The following RBM6 variants were observed in gnomAD, a reference collection of about 807,000 sequenced individuals.
RBM6 encodes RNA binding motif protein 6.
In RBM6, 23 loss-of-function variants were observed where a neutral mutation model predicts 140.4. That is an observed-to-expected ratio of 0.16 (90% CI 0.12 to 0.23). RBM6 has a LOEUF of 0.23. Ranked by LOEUF, RBM6 falls within the 10% of genes least tolerant of loss-of-function variation. The pLI, the probability that RBM6 is intolerant of heterozygous loss-of-function variation, is 1.00. For synonymous variants in RBM6, 439 were observed against 475.6 expected (o/e 0.92, Z 1.00); for missense variants, 1,139 against 1,386.7 (o/e 0.82, Z 2.84).
At chr3:49,969,760 C>A (rs2084698855) in intron 3 of RBM6, among the ~76,000 whole-genome samples, 1 of 151,156 alleles carries the variant, frequency 6.6e-6, no homozygotes, top group African/African-American at 2.4e-5. Context: ...AGCCACTATG[C>A]CTGGCTAGTT....
At chr3:50,052,986 G>GGTGTGTGTGTGT (rs57244510) in intron 7 of RBM6, among the ~76,000 whole-genome samples, 109 of 134,738 alleles carry the variant, frequency 8.1e-4, no homozygotes, top group African/African-American at 2.1e-3. Flanking sequence ...AGTGGGCAGG[G>GGTGTGTGTGTGT]GTGTGTGTGT....
At chr3:50,012,507 G>C (rs929973089) in intron 6 of RBM6, among the ~76,000 whole-genome samples, 1 of 151,584 alleles carries the variant, frequency 6.6e-6, no homozygotes, top group Non-Finnish European at 1.5e-5. Flanking sequence ...ACAGGTGCCT[G>C]CCACCACGCC....
chr3:50,013,932 G>C (rs2086984589), intron 6 of RBM6, among the ~76,000 whole-genome samples: 1 of 152,166 alleles, frequency 6.6e-6, no homozygotes, highest in South Asian at 2.1e-4. Flanking sequence ...TCACCACTGG[G>C]AGAGGGTGCT....
rs537468922 is a variant in RBM6 at position 49,998,236 on chromosome 3, T to C, written c.1484-1204T>C. Among the ~76,000 whole-genome samples, 7 of 152,386 alleles carry C rather than the reference T, an allele frequency of 4.6e-5. 1 individual carries two copies. The highest frequency in any genetic ancestry group is 1.7e-4 in the African/African-American group (7 of 41,600). On this transcript the variant is annotated intron_variant, in intron 5 of 20. Transcript: ENST00000266022. ...CAAATGTGGTATGTTTTTAAACTTA[T>C]ACTTTCTATTGTTCTAGTTTTGTTG...
intron 6 of RBM6, among the ~76,000 whole-genome samples, chr3:50,016,824 G>GTT (rs71080567): frequency 0.12 from 10,573 of 85,518 alleles, 967 homozygotes; most frequent in African/African-American, 0.16. Context: ...CATGCCTAGC[G>GTT]TTTTTTTTTT....
At chr3:50,024,908 G>A (rs1220351521) in intron 6 of RBM6, among the ~76,000 whole-genome samples, 2 of 151,854 alleles carry the variant, frequency 1.3e-5, no homozygotes, top group African/African-American at 4.8e-5. Context: ...GGAGAGTGGC[G>A]TGAACTTGGG....
intron 1 of RBM6, among the ~76,000 whole-genome samples, chr3:49,958,739 A>C (rs1182919000): frequency 6.8e-6 from 1 of 147,900 alleles, no homozygotes. Flanking sequence ...CAACAGAGCG[A>C]GACTCCATTT....
chr3:49,952,057 C>T (rs62262104), intron 1 of RBM6, among the ~76,000 whole-genome samples: 12,026 of 147,996 alleles, frequency 0.081, 532 homozygotes, highest in African/African-American at 0.11. Context: ...TTGTCTGAGA[C>T]GGAGTCTTGC....
intron 5 of RBM6, among the ~76,000 whole-genome samples, chr3:49,980,381 C>T (rs1441832689): frequency 2.0e-5 from 3 of 152,068 alleles, no homozygotes; most frequent in Non-Finnish European, 4.4e-5. Context: ...AGCTTTCTCT[C>T]ATGGTTTCGA....
chr3:50,068,358 G>A (rs1025071899), intron 17 of RBM6, among the ~76,000 whole-genome samples: 2 of 152,178 alleles, frequency 1.3e-5, no homozygotes, highest in African/African-American at 4.8e-5. Context: ...TCTGGGAATG[G>A]TATGTATGGC....
chr3:49,962,328 A>G (rs573538903), intron 1 of RBM6, among the ~76,000 whole-genome samples: 3 of 149,198 alleles, frequency 2.0e-5, no homozygotes, highest in Non-Finnish European at 4.4e-5. Context: ...AGTCCTAGCT[A>G]CTCGGGAGGC....
At chr3:50,015,187 A>G (rs1034733904) in intron 6 of RBM6, among the ~76,000 whole-genome samples, 2 of 145,684 alleles carry the variant, frequency 1.4e-5, no homozygotes, top group Admixed American at 7.0e-5. Flanking sequence ...GCTCACTGCA[A>G]CCCCCCGCCT....
At chr3:49,990,230 G>T (rs1352580751) in intron 5 of RBM6, among the ~76,000 whole-genome samples, 1 of 152,102 alleles carries the variant, frequency 6.6e-6, no homozygotes, top group Non-Finnish European at 1.5e-5. Flanking sequence ...ACACAAACTA[G>T]ATGTTATAGC....
At chr3:49,982,924 C>G (rs2085379157) in intron 5 of RBM6, among the ~76,000 whole-genome samples, 1 of 152,038 alleles carries the variant, frequency 6.6e-6, no homozygotes, top group Non-Finnish European at 1.5e-5. Context: ...GTTGGCCAGG[C>G]TGGTTTCAAT....
At position 49,969,242 on chromosome 3, in the gene RBM6, C is replaced by G. The variant is rs568450875; in HGVS notation, c.1323+494C>G. On this transcript the variant is annotated intron_variant, in intron 3 of 20. Coordinates refer to ENST00000266022, the MANE Select transcript of RBM6 (RefSeq NM_005777.3). Reference sequence around the variant, plus strand: ...GTTTCACCATGTTGGCCAGGCTGGTCTCGAACTCCTGACCTCGTGATCCGC... The same window carrying G: ...GTTTCACCATGTTGGCCAGGCTGGTGTCGAACTCCTGACCTCGTGATCCGC... Among the ~76,000 whole-genome samples the G allele has an allele frequency of 4.8e-3, 712 of 149,828 alleles. 2 individuals are homozygous for G. Among genetic ancestry groups the G allele is most frequent in the African/African-American group, 0.017 (679 of 41,018 alleles).
At chr3:50,038,333 T>C (rs1354498920) in intron 6 of RBM6, among the ~76,000 whole-genome samples, 2 of 152,220 alleles carry the variant, frequency 1.3e-5, no homozygotes, top group Admixed American at 1.3e-4. Context: ...TTATATTCTT[T>C]GGTAAACAAA....
chr3:50,057,670 CTT>C (rs139056065), intron 8 of RBM6, 56 bp from the exon 9 acceptor site: 30,890 of 1,166,306 alleles, frequency 0.026, 1 homozygote, highest in South Asian at 0.037. Flanking sequence ...AGTGTTTTTT[CTT>C]TTTTTTTTTT....
At chr3:49,954,793 CTG>C (rs1421880782) in intron 1 of RBM6, among the ~76,000 whole-genome samples, 1 of 150,598 alleles carries the variant, frequency 6.6e-6, no homozygotes, top group East Asian at 2.0e-4. Flanking sequence ...GAGTCTTACT[CTG>C]TCACCCAGGC....
chr3:50,026,901 CAAAAAAAAAA>C (rs139771207), intron 6 of RBM6, among the ~76,000 whole-genome samples: 117 of 119,524 alleles, frequency 9.8e-4, no homozygotes, highest in Non-Finnish European at 1.1e-3. Flanking sequence ...CTTGTCTCAC[CAAAAAAAAAA>C]AAAAAAAAAA....
Sources: gnomAD v4.1 joint callset for allele counts (sites outside exome capture counted in the v4.1 genomes callset) on GRCh38, gnomAD v4.1.1 for gene constraint, MANE v1.5 for transcripts, NCBI Gene and HGNC (gene_info 2026-07-23, HGNC 2026-07-21) for gene names.